The following FER variants were observed in gnomAD, a reference collection of about 807,000 sequenced individuals.
The protein encoded by FER is FER tyrosine kinase.
In FER, 63 loss-of-function variants were observed where a neutral mutation model predicts 111.0. The observed-to-expected ratio is 0.57, with a 90% CI of 0.46 to 0.70. The LOEUF (loss-of-function observed/expected upper bound fraction) is 0.70. FER is among the 30% of genes least tolerant of loss of function. The pLI, the probability that FER is intolerant of heterozygous loss-of-function variation, is 0.00. For missense variants in FER, 914 were observed against 954.0 expected (o/e 0.96, Z 0.55); for synonymous variants, 327 against 313.9 (o/e 1.04, Z -0.44).
At chr5:109,042,175 C>T (rs192187759) in intron 14 of FER, among the ~76,000 whole-genome samples, 1 of 152,020 alleles carries the variant, frequency 6.6e-6, no homozygotes, top group South Asian at 2.1e-4. Flanking sequence ...GAAGATTAAC[C>T]GAGGACCAGG....
intron 17 of FER, among the ~76,000 whole-genome samples, chr5:109,151,263 G>A (rs1207414942): frequency 3.9e-5 from 6 of 151,984 alleles, no homozygotes; most frequent in Non-Finnish European, 5.9e-5. Context: ...GAATCATAAG[G>A]TTAAATTCAG....
chr5:109,125,867 C>G (rs1751649937), intron 17 of FER, among the ~76,000 whole-genome samples: 1 of 152,100 alleles, frequency 6.6e-6, no homozygotes, highest in African/African-American at 2.4e-5. Context: ...ACTGGAAATT[C>G]TTTTTAGGCA....
rs1215844046 is a variant in FER at position 109,196,427 on chromosome 5, A to G, written c.*8852A>G. The G allele has an allele frequency of 2.0e-5, 3 of 152,214 alleles. No individual in the cohort carries two copies. The highest frequency in any genetic ancestry group is 7.2e-5 in the African/African-American group (3 of 41,460). 9.4% of individuals were successfully genotyped at this position (152,214 alleles called of 1,614,324 possible). ...CATTTTTGTTGTTTTAAGATAATGT[A>G]TTTGTGAAGTGGATAAACACTGGAA... On this transcript the variant is annotated 3_prime_UTR_variant, in exon 20 of 20. Coordinates refer to ENST00000281092, the MANE Select transcript of FER (RefSeq NM_005246.4).
At chr5:108,947,748 T>C (rs769360758) in intron 11 of FER, among the ~76,000 whole-genome samples, 1 of 151,970 alleles carries the variant, frequency 6.6e-6, no homozygotes, top group Non-Finnish European at 1.5e-5. Context: ...AAAAATCGTC[T>C]AATCCAAGAT....
At chr5:108,873,110 A>G (rs1653607350) in intron 8 of FER, among the ~76,000 whole-genome samples, 1 of 152,054 alleles carries the variant, frequency 6.6e-6, no homozygotes, top group Non-Finnish European at 1.5e-5. Context: ...GCTCTTGGAA[A>G]GAGGTTTGGA....
chr5:108,987,497 C>CA, intron 13 of FER, among the ~76,000 whole-genome samples: 1 of 152,148 alleles, frequency 6.6e-6, no homozygotes, highest in Non-Finnish European at 1.5e-5. Context: ...AGAGGTCTTT[C>CA]ACCTCAGTGG....
rs192003318 is a variant in FER at position 108,747,923 on chromosome 5, T to C, written c.-283T>C. The C allele has an allele frequency of 1.6e-3, 244 of 152,352 alleles. 1 individual carries two copies. The highest frequency in any genetic ancestry group is 6.3e-3 in the Admixed American group (97 of 15,302). The allele number at this position is 152,352 out of a possible 1,614,324, so 9.4% of individuals were successfully genotyped here. ...CTCATTTTTCACCAAATTCTTTTGG[T>C]GAAGGACGCTTCAGAAACGGCCATC... On this transcript the variant is annotated 5_prime_UTR_variant, in exon 1 of 20. Transcript: ENST00000281092.
intron 17 of FER, among the ~76,000 whole-genome samples, chr5:109,120,777 A>G (rs967165703): frequency 2.6e-5 from 4 of 151,878 alleles, no homozygotes; most frequent in Non-Finnish European, 5.9e-5. Context: ...TATTTCACCA[A>G]TGTTTTATAG....
At position 109,141,787 on chromosome 5, in the gene FER, T is replaced by C. The variant is rs555101793; in HGVS notation, c.2049-38960T>C. ...GCCTGCATTCAGTGTGGTGGAGATA[T>C]GTAATCCTCCTGCAGAGAGAGATAC... On this transcript the variant is annotated intron_variant, in intron 17 of 19. Coordinates refer to ENST00000281092, the MANE Select transcript of FER (RefSeq NM_005246.4). 1.8e-4 allele frequency among the ~76,000 whole-genome samples: 27 copies of C among 152,318 alleles called. 1 individual carries two copies. In the South Asian group the frequency reaches 3.7e-3, roughly 21 times the overall value.
chr5:108,875,936 A>G (rs1228433789), intron 8 of FER, among the ~76,000 whole-genome samples: 1 of 152,166 alleles, frequency 6.6e-6, no homozygotes, highest in Non-Finnish European at 1.5e-5. Context: ...TGATTACGTA[A>G]AATGTGTAGT....
intron 10 of FER, 140 bp downstream of exon 10, chr5:108,897,988 C>T: frequency 1.3e-6 from 1 of 751,194 alleles, no homozygotes. Context: ...TTTGTAAATG[C>T]AAAATAGACT....
intron 1 of FER, among the ~76,000 whole-genome samples, chr5:108,765,425 CTT>C (rs1752212821): frequency 6.6e-6 from 1 of 152,034 alleles, no homozygotes; most frequent in African/African-American, 2.4e-5. Context: ...TTTCTTTTCT[CTT>C]TTCTTTTTTT....
intron 10 of FER, among the ~76,000 whole-genome samples, chr5:108,898,873 A>C (rs1749584472): frequency 6.6e-6 from 1 of 151,306 alleles, no homozygotes. Flanking sequence ...GAATGCACAG[A>C]ACAGCCCCTC....
intron 13 of FER, among the ~76,000 whole-genome samples, chr5:109,032,262 C>T (rs996227244): frequency 2.0e-5 from 3 of 152,150 alleles, no homozygotes; most frequent in African/African-American, 7.2e-5. Context: ...GTTGGTGGGA[C>T]TGTGACAACC....
Position 109,184,051 on chromosome 5 carries a change from T to C in FER, c.2204-2149T>C, listed in dbSNP as rs117600781. On this transcript the variant is annotated intron_variant, in intron 18 of 19. Transcript: ENST00000281092. ...TCAACACCTGTTTGGCATATATTGC[T>C]ACCATCCTTAGTCACAGCTGTCACC... Among the ~76,000 whole-genome samples, 12 of 152,364 alleles carry C rather than the reference T, an allele frequency of 7.9e-5. No individual in the cohort carries two copies. In the East Asian group the frequency reaches 2.3e-3, roughly 29 times the overall value.
chr5:109,108,450 T>C, intron 17 of FER, among the ~76,000 whole-genome samples: 1 of 152,166 alleles, frequency 6.6e-6, no homozygotes, highest in African/African-American at 2.4e-5. Context: ...AAAGCCTTGT[T>C]GTAGGGAGAA....
chr5:108,775,216 A>G (rs939825634), intron 2 of FER, among the ~76,000 whole-genome samples: 3 of 151,948 alleles, frequency 2.0e-5, no homozygotes, highest in African/African-American at 7.3e-5. Context: ...GTGTGGTGTT[A>G]TTTCTGAGGT....
intron 17 of FER, among the ~76,000 whole-genome samples, chr5:109,147,325 G>A (rs1306937117): frequency 2.6e-5 from 4 of 151,870 alleles, no homozygotes; most frequent in Admixed American, 1.3e-4. Flanking sequence ...TGCATATGCC[G>A]GCAGTGGGGG....
At chr5:108,843,404 G>A (rs7712834) in intron 5 of FER, among the ~76,000 whole-genome samples, 63,874 of 151,900 alleles carry the variant, frequency 0.42, 14,967 homozygotes, top group African/African-American at 0.63. Context: ...TTATATATGA[G>A]TACATTTATG....
Sources: allele counts gnomAD v4.1 joint callset (sites outside exome capture counted in the v4.1 genomes callset), GRCh38; gene constraint gnomAD v4.1.1; transcripts MANE v1.5; gene names NCBI Gene and HGNC (gene_info 2026-07-23, HGNC 2026-07-21).